The following CTIF variants were observed in gnomAD, a reference collection of about 807,000 sequenced individuals.
CTIF encodes the protein CBP80/20-dependent translation initiation factor.
In CTIF, 21 loss-of-function variants were observed where a neutral mutation model predicts 66.0. The ratio of observed to expected loss-of-function variants is 0.32; its 90% CI spans 0.23 to 0.46. The LOEUF (loss-of-function observed/expected upper bound fraction) is 0.46. CTIF is among the 20% of genes least tolerant of loss of function. The pLI is 1.00. For missense variants in CTIF, 739 were observed against 812.7 expected, an observed-to-expected ratio of 0.91 and a Z score of 1.10; for synonymous variants, 345 against 326.4, an observed-to-expected ratio of 1.06 and a Z score of -0.62.
chr18:48,595,825 T>C (rs1033477542), intron 1 of CTIF, among the ~76,000 whole-genome samples: 3 of 152,146 alleles, frequency 2.0e-5, no homozygotes, highest in African/African-American at 7.2e-5. Flanking sequence ...GCTGAGGCAA[T>C]ATTCAACTGC....
At chr18:48,841,606 C>G (rs920824129) in intron 10 of CTIF, among the ~76,000 whole-genome samples, 3 of 152,242 alleles carry the variant, frequency 2.0e-5, no homozygotes, top group African/African-American at 7.2e-5. Flanking sequence ...CTCTTTCCAG[C>G]AGGCGCCACT....
chr18:48,581,669 C>G (rs1210887383), intron 1 of CTIF, among the ~76,000 whole-genome samples: 2 of 152,150 alleles, frequency 1.3e-5, no homozygotes, highest in Admixed American at 1.3e-4. Flanking sequence ...TGACCCCTTC[C>G]ACCTCATTTC....
intron 2 of CTIF, among the ~76,000 whole-genome samples, chr18:48,622,848 T>A (rs2090521418): frequency 6.6e-6 from 1 of 152,162 alleles, no homozygotes; most frequent in Non-Finnish European, 1.5e-5. Context: ...CCCCCTGTTG[T>A]GGGCTGCCTG....
intron 1 of CTIF, chr18:48,566,836 G>C (rs1371052004): frequency 6.6e-6 from 1 of 152,238 alleles, no homozygotes; most frequent in Non-Finnish European, 1.5e-5. Context: ...AAGGGGTAAA[G>C]AATGCTGAGT....
At chr18:48,584,237 G>A (rs1392841816) in intron 1 of CTIF, among the ~76,000 whole-genome samples, 1 of 152,174 alleles carries the variant, frequency 6.6e-6, no homozygotes, top group African/African-American at 2.4e-5. Flanking sequence ...GAGATTTATG[G>A]TCTAGATTTA....
intron 1 of CTIF, among the ~76,000 whole-genome samples, chr18:48,584,116 G>A (rs967917447): frequency 2.0e-5 from 3 of 152,130 alleles, no homozygotes; most frequent in Non-Finnish European, 2.9e-5. Flanking sequence ...TTGTACCAGG[G>A]CACAAGGCTT....
chr18:48,769,776 C>T (rs754775435), intron 9 of CTIF, among the ~76,000 whole-genome samples: 55 of 152,378 alleles, frequency 3.6e-4, no homozygotes, highest in African/African-American at 9.1e-4. Context: ...ATATGACCTG[C>T]TTTTCTCCAA....
intron 2 of CTIF, among the ~76,000 whole-genome samples, chr18:48,631,798 C>T (rs143226632): frequency 1.3e-5 from 2 of 152,102 alleles, no homozygotes; most frequent in African/African-American, 4.8e-5. Flanking sequence ...ATGACCTTTT[C>T]AAGTAAGACA....
intron 1 of CTIF, among the ~76,000 whole-genome samples, chr18:48,604,302 G>A (rs185636155): frequency 7.4e-4 from 104 of 141,254 alleles, no homozygotes; most frequent in Non-Finnish European, 1.1e-3. Context: ...TCAGCCTCCC[G>A]ATTAGCTGGG....
chr18:48,546,752 G>A (rs1328635254), intron 1 of CTIF, among the ~76,000 whole-genome samples: 2 of 152,108 alleles, frequency 1.3e-5, no homozygotes, highest in South Asian at 2.1e-4. Flanking sequence ...ACAGGACCTG[G>A]TAAAAGTTTG....
chr18:48,763,675 A>T (rs573733095), intron 9 of CTIF, among the ~76,000 whole-genome samples: 1 of 152,348 alleles, frequency 6.6e-6, no homozygotes, highest in East Asian at 1.9e-4. Flanking sequence ...TTCGTTTGTC[A>T]TCCGTTGGAG....
intron 9 of CTIF, among the ~76,000 whole-genome samples, chr18:48,778,158 T>C (rs1039032157): frequency 2.6e-5 from 4 of 152,258 alleles, no homozygotes; most frequent in Admixed American, 6.5e-5. Flanking sequence ...CTCAGAATTC[T>C]AGAAAAAATG....
chr18:48,627,498 C>A (rs1474916603), intron 2 of CTIF, among the ~76,000 whole-genome samples: 1 of 152,018 alleles, frequency 6.6e-6, no homozygotes, highest in Admixed American at 6.5e-5. Context: ...ACAGGTGGAT[C>A]ACTTGAGCCC....
intron 6 of CTIF, among the ~76,000 whole-genome samples, chr18:48,693,744 A>T (rs1028933795): frequency 3.3e-5 from 5 of 152,244 alleles, no homozygotes; most frequent in African/African-American, 1.2e-4. Flanking sequence ...CCACGCGCCA[A>T]GTCCAGCCCT....
intron 10 of CTIF, among the ~76,000 whole-genome samples, chr18:48,850,111 A>G (rs1175120052): frequency 6.6e-6 from 1 of 152,152 alleles, no homozygotes; most frequent in Non-Finnish European, 1.5e-5. Context: ...GTGGAATCAT[A>G]CAGTGTTTGT....
intron 6 of CTIF, among the ~76,000 whole-genome samples, chr18:48,701,494 G>A (rs1398967368): frequency 7.0e-6 from 1 of 143,256 alleles, no homozygotes; most frequent in African/African-American, 2.7e-5. Flanking sequence ...TTTGGTCTTC[G>A]ACACAGAGAG....
At chr18:48,671,905 G>A (rs1386578883) in intron 6 of CTIF, among the ~76,000 whole-genome samples, 1 of 118,802 alleles carries the variant, frequency 8.4e-6, no homozygotes, top group Non-Finnish European at 1.6e-5. Flanking sequence ...CAAATCTACT[G>A]TTAATCCCAT....
intron 1 of CTIF, among the ~76,000 whole-genome samples, chr18:48,615,811 C>A (rs948529021): frequency 2.0e-5 from 3 of 152,166 alleles, no homozygotes; most frequent in African/African-American, 7.2e-5. Flanking sequence ...GCTGGGCTAC[C>A]CCATGTGAAT....
chr18:48,681,959 T>C (rs572951684), intron 6 of CTIF, among the ~76,000 whole-genome samples: 47 of 152,108 alleles, frequency 3.1e-4, no homozygotes, highest in Non-Finnish European at 5.3e-4. Flanking sequence ...CTAATTTTTA[T>C]GTCTTTAGTA....
Sources: gnomAD v4.1 joint callset for allele counts (sites outside exome capture counted in the v4.1 genomes callset) on GRCh38, gnomAD v4.1.1 for gene constraint, MANE v1.5 for transcripts, NCBI Gene and HGNC (gene_info 2026-07-23, HGNC 2026-07-21) for gene names.